The following ACSM2B variants were observed in gnomAD, a reference collection of about 807,000 sequenced individuals.
ACSM2B encodes the protein acyl-CoA synthetase medium chain family member 2B, also known as acyl-coenzyme A synthetase ACSM2B, mitochondrial.
Under a neutral mutation model 78.6 loss-of-function variants are expected in ACSM2B, and 58 were observed. The ratio of observed to expected loss-of-function variants is 0.74; its 90% CI spans 0.60 to 0.92. ACSM2B has a LOEUF of 0.92. ACSM2B is among the 40% of genes least tolerant of loss of function. The probability of loss-of-function intolerance (pLI) is 0.00; values close to 1 mark genes in which losing one functional copy is unlikely to be tolerated. For synonymous variants in ACSM2B, 257 were observed against 256.8 expected (o/e 1.00, Z -0.01); for missense variants, 688 against 711.2 (o/e 0.97, Z 0.37).
chr16:20,565,942 T>G (rs2015812532), intron 1 of ACSM2B, among the ~76,000 whole-genome samples: 1 of 151,730 alleles, frequency 6.6e-6, no homozygotes, highest in Non-Finnish European at 1.5e-5. Flanking sequence ...CCTGAATTAC[T>G]TCACTTTGAG....
chr16:20,568,132 A>G (rs2152147897), intron 1 of ACSM2B, among the ~76,000 whole-genome samples: 1 of 143,630 alleles, frequency 7.0e-6, no homozygotes, highest in South Asian at 2.1e-4. Flanking sequence ...TATATGTTAT[A>G]CGTTCATGAG....
At chr16:20,568,184 A>T (rs1197481680) in intron 1 of ACSM2B, among the ~76,000 whole-genome samples, 1 of 143,662 alleles carries the variant, frequency 7.0e-6, no homozygotes, top group East Asian at 2.0e-4. Flanking sequence ...AAAATATATT[A>T]TATATATTAT....
rs773740610 is a variant in ACSM2B, at chr16:20,545,180, T to A, written c.1258A>T (p.Ile420Leu). 3 of 1,613,746 alleles carry A rather than the reference T, an allele frequency of 1.9e-6. No individual in the cohort carries two copies. The highest frequency in any genetic ancestry group is 2.2e-5 in the East Asian group (1 of 44,872). ...ACCACATAGCCAGAGAAGATGCCTA[T>A]AGGCCTGATGGGTTTGACCCTGATG... ...IGIRVKPIRP[I>L]GIFSGYVENP... The change falls in exon 10 of 14, where the codon ATA becomes TTA. Residue 420 changes from isoleucine to leucine, a missense_variant. Coordinates refer to ENST00000329697, the MANE Select transcript of ACSM2B (RefSeq NM_001105069.2).
chr16:20,550,900 G>A (rs935387411), intron 6 of ACSM2B, among the ~76,000 whole-genome samples: 7 of 152,032 alleles, frequency 4.6e-5, no homozygotes, highest in East Asian at 3.9e-4. Flanking sequence ...TTATTCTTCC[G>A]AATTGCTTCT....
intron 10 of ACSM2B, chr16:20,544,549 T>G: frequency 3.1e-6 from 3 of 975,148 alleles, no homozygotes; most frequent in Non-Finnish European, 3.7e-6. Flanking sequence ...TATTATTTAT[T>G]TAGTTTATTA....
chr16:20,559,156 T>C, intron 3 of ACSM2B, 81 bp downstream of exon 3: 1 of 1,491,950 alleles, frequency 6.7e-7, no homozygotes. Context: ...AGACTTCTTT[T>C]GAGAGAGGTG....
At chr16:20,567,543 A>T (rs1201906759) in intron 1 of ACSM2B, among the ~76,000 whole-genome samples, 1 of 131,444 alleles carries the variant, frequency 7.6e-6, no homozygotes, top group Non-Finnish European at 1.6e-5. Flanking sequence ...AGTATATAAT[A>T]TATAAATATA....
chr16:20,560,831 T>C (rs1436055312), intron 2 of ACSM2B, among the ~76,000 whole-genome samples: 2 of 152,086 alleles, frequency 1.3e-5, no homozygotes, highest in African/African-American at 4.8e-5. Flanking sequence ...GATAGAATTA[T>C]GGACAATGAA....
intron 3 of ACSM2B, among the ~76,000 whole-genome samples, 172 bp downstream of exon 3, chr16:20,559,064 CT>C (rs1404490338): frequency 4.6e-5 from 7 of 152,336 alleles, no homozygotes; most frequent in African/African-American, 1.7e-4. Flanking sequence ...TGCATAAGTG[CT>C]TGGCACATAG....
intron 2 of ACSM2B, among the ~76,000 whole-genome samples, chr16:20,560,513 C>T (rs1331056451): frequency 6.6e-6 from 1 of 151,996 alleles, no homozygotes; most frequent in Admixed American, 6.5e-5. Flanking sequence ...TTTCTTGAGG[C>T]CCCCATCAGA....
intron 6 of ACSM2B, among the ~76,000 whole-genome samples, chr16:20,550,067 C>A (rs543752223): frequency 9.2e-5 from 14 of 152,202 alleles, no homozygotes; most frequent in African/African-American, 3.4e-4. Flanking sequence ...GCATGTCCCA[C>A]TCCGACTTCC....
chr16:20,548,115 A>G lies in ACSM2B; in HGVS notation c.1045T>C (p.Trp349Arg). The stretch of plus-strand genomic sequence containing the variant: ...ATGTCCAGTCCTGTCTGGGCCCTCC[A>G]GTTCTCCAGAGTTTCTGGAAGAAGG... ...ESLLPETLEN[W>R]RAQTGLDIRE... Residue 349 changes from tryptophan (W) to arginine (R), a missense_variant, in exon 8 of 14, where the codon TGG (tryptophan) becomes CGG (arginine). Transcript: ENST00000329697. 6.2e-7 allele frequency: 1 copy of G among 1,614,110 alleles called. No individual in the cohort carries two copies.
chr16:20,572,281 ATT>A (rs2016112671), intron 1 of ACSM2B, among the ~76,000 whole-genome samples: 1 of 145,612 alleles, frequency 6.9e-6, no homozygotes, highest in African/African-American at 2.6e-5. Flanking sequence ...CTAGTAGTGA[ATT>A]CTCTCAGTAT....
intron 10 of ACSM2B, chr16:20,544,476 A>G (rs1316295213): frequency 2.8e-6 from 2 of 712,332 alleles, no homozygotes; most frequent in Admixed American, 1.3e-4. Context: ...AAATGTGTTT[A>G]TACAACAATG....
At chr16:20,569,559 T>C (rs2016036697) in intron 1 of ACSM2B, among the ~76,000 whole-genome samples, 1 of 151,876 alleles carries the variant, frequency 6.6e-6, no homozygotes, top group Non-Finnish European at 1.5e-5. Context: ...ATGATGACTC[T>C]TTTTTTGGTT....
intron 3 of ACSM2B, among the ~76,000 whole-genome samples, chr16:20,555,752 C>A (rs889502316): frequency 3.3e-5 from 5 of 152,126 alleles, no homozygotes; most frequent in Non-Finnish European, 5.9e-5. Context: ...ACATACAATT[C>A]TCCTCACCCA....
At chr16:20,565,302 T>C (rs2015791831) in intron 1 of ACSM2B, among the ~76,000 whole-genome samples, 1 of 152,170 alleles carries the variant, frequency 6.6e-6, no homozygotes, top group Non-Finnish European at 1.5e-5. Flanking sequence ...AGATATGCTT[T>C]GGTCAATGAG....
chr16:20,555,924 T>C (rs1272070287), intron 3 of ACSM2B, among the ~76,000 whole-genome samples: 1 of 152,140 alleles, frequency 6.6e-6, no homozygotes, highest in Non-Finnish European at 1.5e-5. Context: ...GGACATTAAA[T>C]GCATTTTTCT....
chr16:20,572,460 T>C (rs541757995), intron 1 of ACSM2B, among the ~76,000 whole-genome samples: 107 of 134,706 alleles, frequency 7.9e-4, no homozygotes, highest in African/African-American at 3.6e-3. Context: ...ATCTGACAGG[T>C]TTTCCTTTAT....
Sources: gnomAD v4.1 joint callset for allele counts (sites outside exome capture counted in the v4.1 genomes callset) on GRCh38, gnomAD v4.1.1 for gene constraint, MANE v1.5 for transcripts, NCBI Gene and HGNC (gene_info 2026-07-23, HGNC 2026-07-21) for gene names.